CSMD1: variants seen among roughly 807,000 people sequenced by gnomAD.
CSMD1 encodes CUB and Sushi multiple domains 1.
In CSMD1, 213 loss-of-function variants were observed where a neutral mutation model predicts 417.5. That is an observed-to-expected ratio of 0.51 (90% CI 0.46 to 0.57). The LOEUF is 0.57. Among genes scored for constraint, CSMD1 ranks in the 20% least tolerant of loss-of-function variants. The pLI, the probability that CSMD1 is intolerant of heterozygous loss-of-function variation, is 0.00. For missense variants in CSMD1, 6,923 were observed against 4,529.7 expected (o/e 1.53, Z -15.17); for synonymous variants, 2,862 against 1,736.8 (o/e 1.65, Z -16.11).
At chr8:4,277,139 A>C (rs77714662) in intron 3 of CSMD1, among the ~76,000 whole-genome samples, 2 of 152,106 alleles carry the variant, frequency 1.3e-5, no homozygotes, top group East Asian at 3.9e-4. Context: ...CCCTTACTAT[A>C]TAGAGCCATA....
intron 26 of CSMD1, among the ~76,000 whole-genome samples, chr8:3,277,239 G>A (rs1802363302): frequency 6.6e-6 from 1 of 152,132 alleles, no homozygotes; most frequent in South Asian, 2.1e-4. Context: ...TGGCAGTGGG[G>A]AGAATGAGAA....
chr8:4,469,259 G>A (rs1442915008), intron 2 of CSMD1, among the ~76,000 whole-genome samples: 1 of 152,184 alleles, frequency 6.6e-6, no homozygotes, highest in African/African-American at 2.4e-5. Context: ...CAGGGGTCAG[G>A]CTGCAGCAAA....
intron 2 of CSMD1, among the ~76,000 whole-genome samples, chr8:4,548,160 G>A (rs948560640): frequency 1.3e-5 from 2 of 152,078 alleles, no homozygotes; most frequent in East Asian, 1.9e-4. Flanking sequence ...GTCTAGGATT[G>A]GAGACTCCTA....
chr8:4,811,998 G>C (rs989304219), intron 1 of CSMD1, among the ~76,000 whole-genome samples: 31 of 152,144 alleles, frequency 2.0e-4, no homozygotes, highest in African/African-American at 7.2e-4. Context: ...AAGACAGAAA[G>C]TAACAGCTTC....
intron 2 of CSMD1, among the ~76,000 whole-genome samples, chr8:4,554,891 A>G (rs1486284782): frequency 6.6e-6 from 1 of 152,056 alleles, no homozygotes; most frequent in African/African-American, 2.4e-5. Context: ...GGTGGTGATG[A>G]TGGTGTTCAT....
chr8:4,209,340 G>A (rs544301481), intron 3 of CSMD1, among the ~76,000 whole-genome samples: 4 of 152,256 alleles, frequency 2.6e-5, no homozygotes, highest in South Asian at 2.1e-4. Context: ...AACTCACAGG[G>A]ACAGAAAGAA....
At chr8:3,955,577 G>C (rs974713436) in intron 5 of CSMD1, among the ~76,000 whole-genome samples, 6 of 152,080 alleles carry the variant, frequency 3.9e-5, no homozygotes, top group African/African-American at 1.4e-4. Context: ...TTCCATAGGA[G>C]ATTGGTGCTA....
chr8:4,342,104 T>A (rs913956475), intron 3 of CSMD1, among the ~76,000 whole-genome samples: 5 of 152,036 alleles, frequency 3.3e-5, no homozygotes, highest in Non-Finnish European at 5.9e-5. Flanking sequence ...TATGTTTCCA[T>A]GGTAACTCCA....
At chr8:3,509,698 G>A (rs947404803) in intron 10 of CSMD1, among the ~76,000 whole-genome samples, 4 of 152,276 alleles carry the variant, frequency 2.6e-5, no homozygotes, top group South Asian at 2.1e-4. Context: ...ATCTTCAACT[G>A]CAGGGCTATT....
At chr8:3,110,727 G>C (rs1168184300) in intron 42 of CSMD1, among the ~76,000 whole-genome samples, 1 of 152,122 alleles carries the variant, frequency 6.6e-6, no homozygotes, top group Non-Finnish European at 1.5e-5. Context: ...CACACTGCTA[G>C]ACCCTATTTA....
At chr8:4,342,500 G>A (rs1207684536) in intron 3 of CSMD1, among the ~76,000 whole-genome samples, 2 of 152,044 alleles carry the variant, frequency 1.3e-5, no homozygotes, top group African/African-American at 2.4e-5. Flanking sequence ...ATCAGCCAGG[G>A]TAGGTTTCAT....
At chr8:4,313,646 G>C (rs1273904801) in intron 3 of CSMD1, among the ~76,000 whole-genome samples, 1 of 152,082 alleles carries the variant, frequency 6.6e-6, no homozygotes, top group Non-Finnish European at 1.5e-5. Flanking sequence ...ATCAACACAT[G>C]TAAATTCACT....
At chr8:3,115,442 T>C (rs1034863410) in intron 42 of CSMD1, among the ~76,000 whole-genome samples, 3 of 152,192 alleles carry the variant, frequency 2.0e-5, no homozygotes, top group Non-Finnish European at 4.4e-5. Context: ...CCTCAGGTGA[T>C]CCACCCACCT....
At chr8:4,233,976 G>A (rs982668418) in intron 3 of CSMD1, among the ~76,000 whole-genome samples, 2 of 151,888 alleles carry the variant, frequency 1.3e-5, no homozygotes, top group Non-Finnish European at 2.9e-5. Context: ...AACGGCGGGG[G>A]GTGGGGGAAC....
At chr8:3,562,693 A>C (rs1799521206) in intron 10 of CSMD1, among the ~76,000 whole-genome samples, 1 of 152,108 alleles carries the variant, frequency 6.6e-6, no homozygotes, top group Admixed American at 6.5e-5. Context: ...TATAGTTAAT[A>C]ATGAAAAAAA....
chr8:3,278,775 G>A (rs1275910569), intron 26 of CSMD1: 1 of 152,042 alleles, frequency 6.6e-6, no homozygotes, highest in Non-Finnish European at 1.5e-5. Context: ...AGGCTGTTTT[G>A]CACTTTGTGA....
intron 26 of CSMD1, among the ~76,000 whole-genome samples, chr8:3,238,922 T>A (rs1397250977): frequency 6.6e-6 from 1 of 152,046 alleles, no homozygotes; most frequent in East Asian, 1.9e-4. Flanking sequence ...TATAAGTAGT[T>A]GAGAATGGTG....
At chr8:3,549,093 G>A (rs930393173) in intron 10 of CSMD1, among the ~76,000 whole-genome samples, 1 of 152,126 alleles carries the variant, frequency 6.6e-6, no homozygotes, top group East Asian at 1.9e-4. Flanking sequence ...CTCCATCTCA[G>A]AGCCACACAT....
chr8:4,546,502 C>A (rs376260059), intron 2 of CSMD1, among the ~76,000 whole-genome samples: 1 of 152,130 alleles, frequency 6.6e-6, no homozygotes, highest in African/African-American at 2.4e-5. Context: ...AAAAGATAAA[C>A]GGTGAATTTT....
Sources: allele counts gnomAD v4.1 joint callset (sites outside exome capture counted in the v4.1 genomes callset), GRCh38; gene constraint gnomAD v4.1.1; transcripts MANE v1.5; gene names NCBI Gene and HGNC (gene_info 2026-07-23, HGNC 2026-07-21).